The following SAMD12 variants were observed in gnomAD, a reference collection of about 807,000 sequenced individuals.
SAMD12 encodes sterile alpha motif domain containing 12.
In SAMD12, 9 loss-of-function variants were observed where a neutral mutation model predicts 15.0. That is an observed-to-expected ratio of 0.60 (90% CI 0.36 to 1.05). The LOEUF (loss-of-function observed/expected upper bound fraction) is 1.05. SAMD12 is among the 50% of genes least tolerant of loss of function. The pLI is 0.01. For missense variants in SAMD12, 230 were observed against 234.2 expected, an observed-to-expected ratio of 0.98 and a Z score of 0.12; for synonymous variants, 86 against 90.1, an observed-to-expected ratio of 0.96 and a Z score of 0.25.
intron 2 of SAMD12, among the ~76,000 whole-genome samples, chr8:118,484,583 G>T (rs1386682176): frequency 6.6e-6 from 1 of 152,072 alleles, no homozygotes; most frequent in Admixed American, 6.5e-5. Flanking sequence ...AACATGTACT[G>T]CTTTTTGTAT....
intron 2 of SAMD12, among the ~76,000 whole-genome samples, chr8:118,567,056 A>G (rs934267762): frequency 3.3e-5 from 5 of 152,198 alleles, no homozygotes; most frequent in Admixed American, 6.5e-5. Flanking sequence ...AAAATCTCAT[A>G]TAGTGCCTAC....
At chr8:118,597,863 C>G (rs1010641771) in intron 1 of SAMD12, among the ~76,000 whole-genome samples, 1 of 152,140 alleles carries the variant, frequency 6.6e-6, no homozygotes, top group African/African-American at 2.4e-5. Context: ...TGTTTGTTTC[C>G]TGTCTATCTC....
At chr8:118,307,527 AT>A (rs1815410281) in intron 4 of SAMD12, among the ~76,000 whole-genome samples, 1 of 152,220 alleles carries the variant, frequency 6.6e-6, no homozygotes, top group Non-Finnish European at 1.5e-5. Flanking sequence ...ATTAGAGAAC[AT>A]TAATTGATGT....
chr8:118,599,303 C>T (rs1161267242), intron 1 of SAMD12, among the ~76,000 whole-genome samples: 2 of 152,222 alleles, frequency 1.3e-5, no homozygotes, highest in East Asian at 1.9e-4. Flanking sequence ...CTCTGCACTA[C>T]ATGTAGCTCT....
chr8:118,143,822 T>C, the SAMD12 span, among the ~76,000 whole-genome samples: 3 of 152,232 alleles, frequency 2.0e-5, no homozygotes, highest in Non-Finnish European at 2.9e-5. Context: ...GACTGAGGTC[T>C]ACGCACAGTC....
chr8:118,281,678 A>T (rs1422736943), intron 4 of SAMD12, among the ~76,000 whole-genome samples: 1 of 152,094 alleles, frequency 6.6e-6, no homozygotes, highest in African/African-American at 2.4e-5. Flanking sequence ...GGGCATGGGG[A>T]ATAGTTCTAA....
At chr8:118,398,767 C>T (rs961244308) in intron 3 of SAMD12, among the ~76,000 whole-genome samples, 4 of 152,252 alleles carry the variant, frequency 2.6e-5, no homozygotes, top group Middle Eastern at 3.4e-3. Flanking sequence ...ATGTTCATTA[C>T]CTTGATTGTA....
chr8:118,254,688 A>T (rs555068526), intron 4 of SAMD12, among the ~76,000 whole-genome samples: 2 of 150,874 alleles, frequency 1.3e-5, no homozygotes, highest in African/African-American at 4.9e-5. Flanking sequence ...CCTTTCTAAC[A>T]CTCCGGGGCC....
chr8:118,621,424 A>C (rs1204039865), intron 1 of SAMD12: 1 of 292,076 alleles, frequency 3.4e-6, no homozygotes, highest in Non-Finnish European at 6.5e-6. Flanking sequence ...CCAACCAAGC[A>C]TCCCCAGCCC....
chr8:118,197,522 TC>T, exon 5 of SAMD12: 1 of 652,298 alleles, frequency 1.5e-6, no homozygotes, highest in Non-Finnish European at 2.8e-6. Flanking sequence ...TCATTTTAAA[TC>T]CACAGCAAAG....
chr8:118,171,921 C>T, the SAMD12 span, among the ~76,000 whole-genome samples: 542 of 151,972 alleles, frequency 3.6e-3, 3 homozygotes, highest in African/African-American at 0.01. Context: ...GGCACATATA[C>T]GCCATAAAAA....
intron 4 of SAMD12, among the ~76,000 whole-genome samples, chr8:118,241,833 G>T (rs921091486): frequency 1.3e-5 from 2 of 152,014 alleles, no homozygotes; most frequent in Admixed American, 6.6e-5. Flanking sequence ...AAGAAATTCC[G>T]CAATAAATAA....
At chr8:118,571,351 T>C (rs1438689696) in intron 2 of SAMD12, among the ~76,000 whole-genome samples, 7 of 152,170 alleles carry the variant, frequency 4.6e-5, no homozygotes, top group Non-Finnish European at 8.8e-5. Flanking sequence ...ATCAAAAAAT[T>C]TGCAGCTTGA....
chr8:118,421,098 A>G (rs1343179373), intron 3 of SAMD12, among the ~76,000 whole-genome samples: 1 of 152,194 alleles, frequency 6.6e-6, no homozygotes, highest in African/African-American at 2.4e-5. Flanking sequence ...ATTTTACCTT[A>G]CTAGTTGTGT....
intron 2 of SAMD12, among the ~76,000 whole-genome samples, chr8:118,509,536 T>G (rs1185801401): frequency 6.6e-6 from 1 of 152,236 alleles, no homozygotes; most frequent in Non-Finnish European, 1.5e-5. Flanking sequence ...GTTCTGTTTC[T>G]GAAATGGTTC....
chr8:118,250,483 T>C (rs958512101), intron 4 of SAMD12, among the ~76,000 whole-genome samples: 9 of 151,352 alleles, frequency 5.9e-5, no homozygotes, highest in African/African-American at 2.2e-4. Flanking sequence ...AAGTATAAAA[T>C]GCCAGGAAGG....
chr8:118,460,525 C>A (rs1823384805), intron 2 of SAMD12, among the ~76,000 whole-genome samples: 1 of 152,134 alleles, frequency 6.6e-6, no homozygotes, highest in Admixed American at 6.5e-5. Context: ...AACCTACTGT[C>A]TGCACAAGTG....
At chr8:118,395,992 G>T (rs1308265377) in intron 3 of SAMD12, among the ~76,000 whole-genome samples, 1 of 151,802 alleles carries the variant, frequency 6.6e-6, no homozygotes. Context: ...GAAGAAAAAA[G>T]TGAGTTTTTT....
At chr8:118,456,337 T>C (rs746981710) in intron 2 of SAMD12, among the ~76,000 whole-genome samples, 5 of 152,224 alleles carry the variant, frequency 3.3e-5, no homozygotes, top group African/African-American at 4.8e-5. Flanking sequence ...CATGTAATCT[T>C]AAGTAATCCC....
Sources: gnomAD v4.1 joint callset for allele counts (sites outside exome capture counted in the v4.1 genomes callset) on GRCh38, gnomAD v4.1.1 for gene constraint, MANE v1.5 for transcripts, NCBI Gene and HGNC (gene_info 2026-07-23, HGNC 2026-07-21) for gene names.